Variants in UNC13C observed in about 807,000 individuals in gnomAD.
UNC13C encodes protein unc-13 homolog C.
UNC13C carries 174 observed loss-of-function variants against 245.4 expected under a neutral mutation model. The ratio of observed to expected loss-of-function variants is 0.71; its 90% CI spans 0.63 to 0.80. The LOEUF is 0.80. Among genes scored for constraint, UNC13C ranks in the 30% least tolerant of loss-of-function variants. The pLI is 0.00. For synonymous variants in UNC13C, 992 were observed against 895.1 expected, an observed-to-expected ratio of 1.11 and a Z score of -1.93; for missense variants, 2,829 against 2,602.9, an observed-to-expected ratio of 1.09 and a Z score of -1.89.
At chr15:54,625,823 C>A (rs1901103670) in intron 32 of UNC13C, among the ~76,000 whole-genome samples, 1 of 152,150 alleles carries the variant, frequency 6.6e-6, no homozygotes, top group South Asian at 2.1e-4. Context: ...AAACCTGGAC[C>A]CAACTAAAGT....
chr15:54,426,828 T>A (rs964357925), intron 19 of UNC13C, among the ~76,000 whole-genome samples: 25 of 151,770 alleles, frequency 1.6e-4, no homozygotes, highest in Non-Finnish European at 3.5e-4. Flanking sequence ...TGAAAAATCA[T>A]ATTGTTGTGA....
chr15:54,003,667 A>G (rs1201614732), intron 1 of UNC13C, among the ~76,000 whole-genome samples: 6 of 152,204 alleles, frequency 3.9e-5, no homozygotes, highest in Non-Finnish European at 7.3e-5. Context: ...CCTTAGTATT[A>G]CAAACAATCC....
chr15:54,413,301 T>A (rs1315402493), intron 18 of UNC13C, among the ~76,000 whole-genome samples: 4 of 152,030 alleles, frequency 2.6e-5, no homozygotes, highest in African/African-American at 9.6e-5. Context: ...GTTAACATAA[T>A]CTTATTCTTG....
the UNC13C span, among the ~76,000 whole-genome samples, chr15:53,886,212 A>G: frequency 6.6e-6 from 1 of 152,330 alleles, no homozygotes; most frequent in African/African-American, 2.4e-5. Flanking sequence ...GGTTTCTAAT[A>G]TCATTCTCCA....
intron 2 of UNC13C, among the ~76,000 whole-genome samples, chr15:54,062,323 CAAAA>C (rs539952952): frequency 1.7e-5 from 2 of 114,416 alleles, no homozygotes; most frequent in African/African-American, 3.3e-5. Flanking sequence ...AACTCAGTCT[CAAAA>C]AAAAAAAAAA....
chr15:53,918,567 C>G, the UNC13C span, among the ~76,000 whole-genome samples: 1 of 152,222 alleles, frequency 6.6e-6, no homozygotes, highest in Non-Finnish European at 1.5e-5. Flanking sequence ...CTGTCCCTGG[C>G]TGTGACAGCC....
intron 2 of UNC13C, among the ~76,000 whole-genome samples, chr15:54,028,853 C>A (rs1189151242): frequency 1.3e-5 from 2 of 151,938 alleles, no homozygotes; most frequent in Non-Finnish European, 1.5e-5. Flanking sequence ...GCCTGCAGGT[C>A]TTAGGAGGTT....
intron 8 of UNC13C, among the ~76,000 whole-genome samples, chr15:54,262,612 GT>G (rs2036454398): frequency 6.6e-6 from 1 of 152,128 alleles, no homozygotes; most frequent in African/African-American, 2.4e-5. Flanking sequence ...CTAGGGACAT[GT>G]TTCAACAGTG....
chr15:54,318,503 C>A (rs1276029604), intron 13 of UNC13C, among the ~76,000 whole-genome samples: 1 of 151,706 alleles, frequency 6.6e-6, no homozygotes, highest in Non-Finnish European at 1.5e-5. Flanking sequence ...TTATATATAC[C>A]TTTCAGCCTT....
intron 30 of UNC13C, among the ~76,000 whole-genome samples, chr15:54,593,702 T>C (rs1415572430): frequency 6.6e-6 from 1 of 152,170 alleles, no homozygotes; most frequent in Non-Finnish European, 1.5e-5. Context: ...TTCTTTGAGA[T>C]GTCTATTTCC....
intron 2 of UNC13C, among the ~76,000 whole-genome samples, chr15:54,111,253 T>A (rs1367754895): frequency 1.3e-5 from 2 of 152,198 alleles, no homozygotes; most frequent in Non-Finnish European, 2.9e-5. Context: ...TGCTGAGAAT[T>A]CTTCTGTAAA....
intron 30 of UNC13C, among the ~76,000 whole-genome samples, chr15:54,574,115 T>C (rs1480086914): frequency 1.3e-5 from 2 of 152,214 alleles, no homozygotes; most frequent in East Asian, 3.8e-4. Context: ...ATTCACCACA[T>C]AACCCCCTAT....
At chr15:54,471,798 T>C (rs567632402) in intron 19 of UNC13C, among the ~76,000 whole-genome samples, 2 of 151,718 alleles carry the variant, frequency 1.3e-5, no homozygotes, top group African/African-American at 4.8e-5. Flanking sequence ...GCTTTTTAAA[T>C]TGATTTTCTA....
At chr15:54,198,694 C>T (rs574731920) in intron 4 of UNC13C, among the ~76,000 whole-genome samples, 1 of 152,242 alleles carries the variant, frequency 6.6e-6, no homozygotes, top group South Asian at 2.1e-4. Flanking sequence ...CTCCGTGGGA[C>T]AAAAGATCTG....
the UNC13C span, among the ~76,000 whole-genome samples, chr15:53,876,889 G>T: frequency 1.8e-4 from 27 of 152,304 alleles, no homozygotes; most frequent in Non-Finnish European, 3.5e-4. Context: ...GATAACTATT[G>T]TCAACAGTTC....
At chr15:54,277,851 T>G (rs1438941161) in intron 10 of UNC13C, among the ~76,000 whole-genome samples, 1 of 152,104 alleles carries the variant, frequency 6.6e-6, no homozygotes, top group Non-Finnish European at 1.5e-5. Flanking sequence ...AGTAATGTTG[T>G]AGAAAAAAAT....
At chr15:54,620,628 C>T (rs1900738995) in intron 30 of UNC13C, among the ~76,000 whole-genome samples, 1 of 151,976 alleles carries the variant, frequency 6.6e-6, no homozygotes. Context: ...ATAATTCCAG[C>T]ACTTTGGGAG....
At chr15:54,451,122 C>T (rs1891150910) in intron 19 of UNC13C, among the ~76,000 whole-genome samples, 1 of 151,578 alleles carries the variant, frequency 6.6e-6, no homozygotes, top group Non-Finnish European at 1.5e-5. Context: ...AATATTTTTT[C>T]CTCTCCTTCT....
intron 31 of UNC13C, among the ~76,000 whole-genome samples, chr15:54,623,491 T>C (rs1004409643): frequency 1.3e-5 from 2 of 152,196 alleles, no homozygotes; most frequent in Non-Finnish European, 2.9e-5. Flanking sequence ...CATATCTTCA[T>C]GTTCAATACG....
Sources: gnomAD v4.1 joint callset for allele counts (sites outside exome capture counted in the v4.1 genomes callset) on GRCh38, gnomAD v4.1.1 for gene constraint, MANE v1.5 for transcripts, NCBI Gene and HGNC (gene_info 2026-07-23, HGNC 2026-07-21) for gene names.